Variants in RUNX2 observed in about 807,000 individuals in gnomAD.
The protein encoded by RUNX2 is runt-related transcription factor 2.
Under a neutral mutation model 51.7 loss-of-function variants are expected in RUNX2, and 10 were observed. That is an observed-to-expected ratio of 0.19 (90% CI 0.12 to 0.33). The LOEUF is 0.33. RUNX2 is among the 10% of genes least tolerant of loss of function. The pLI is 1.00. For synonymous variants in RUNX2, 276 were observed against 273.6 expected, an observed-to-expected ratio of 1.01 and a Z score of -0.09; for missense variants, 562 against 691.3, an observed-to-expected ratio of 0.81 and a Z score of 2.10.
At chr6:45,483,416 T>A (rs1205648209) in intron 5 of RUNX2, among the ~76,000 whole-genome samples, 3 of 152,098 alleles carry the variant, frequency 2.0e-5, no homozygotes, top group Admixed American at 6.6e-5. Context: ...AATTTATCCA[T>A]GTTCTTATTT....
intron 5 of RUNX2, among the ~76,000 whole-genome samples, chr6:45,484,523 C>T (rs1221683016): frequency 6.6e-6 from 1 of 152,096 alleles, no homozygotes; most frequent in Non-Finnish European, 1.5e-5. Context: ...TTCATTTTTA[C>T]ATGTATGTAG....
chr6:45,459,750 A>C (rs1180477177), intron 5 of RUNX2, among the ~76,000 whole-genome samples: 1 of 152,372 alleles, frequency 6.6e-6, no homozygotes, highest in Middle Eastern at 3.4e-3. Flanking sequence ...GCAGATAGTG[A>C]TAAGTACTTT....
chr6:45,369,691 C>T lies in RUNX2; in HGVS notation c.58+40907C>T, dbSNP rs58919251. ...TCATATCTAAGTATTTACGGGGCAC[C>T]TACTACAGGCCAAACACCGTTCTAA... On this transcript the variant is annotated intron_variant, in intron 2 of 8. Transcript: ENST00000647337. Among the ~76,000 whole-genome samples, 62 of 152,238 alleles carry T rather than the reference C, an allele frequency of 4.1e-4. No homozygotes were observed. The East Asian group carries it at 5.8e-3, about 14-fold the overall frequency.
At chr6:45,538,440 G>A (rs957182495) in intron 7 of RUNX2, among the ~76,000 whole-genome samples, 4 of 151,704 alleles carry the variant, frequency 2.6e-5, no homozygotes, top group South Asian at 2.1e-4. Flanking sequence ...AGATACCATC[G>A]CAGGAAAGGC....
chr6:45,442,486 A>G (rs1208821374), intron 5 of RUNX2, among the ~76,000 whole-genome samples: 20 of 152,204 alleles, frequency 1.3e-4, no homozygotes, highest in Admixed American at 1.3e-3. Context: ...AATAATTTCT[A>G]CAGGAATGTG....
chr6:45,550,377 G>A lies in RUNX2; in HGVS notation c.*3072G>A, dbSNP rs1582236283. 6.6e-6 allele frequency: 1 copy of A among 152,194 alleles called. No homozygotes were observed. The highest frequency in any genetic ancestry group is 2.4e-5 in the African/African-American group (1 of 41,452). The allele number at this position is 152,194 out of a possible 1,614,324, so 9.4% of individuals were successfully genotyped here. ...ACTTGCCAGAGCCCTTTCAAAATGA[G>A]CAGAGAAGTCCACACCATTAGGGAC... On this transcript the variant is annotated 3_prime_UTR_variant, in exon 9 of 9. Transcript: ENST00000647337.
chr6:45,348,303 A>G (rs1791298679), intron 2 of RUNX2, among the ~76,000 whole-genome samples: 2 of 152,046 alleles, frequency 1.3e-5, no homozygotes, highest in Non-Finnish European at 2.9e-5. Flanking sequence ...AATTTCTATT[A>G]AAGAAATTCT....
At position 45,435,524 on chromosome 6, in the gene RUNX2, A is replaced by C. The variant is rs149137540; in HGVS notation, c.581-2423A>C. Among the ~76,000 whole-genome samples the C allele has an allele frequency of 8.3e-3, 1,263 of 152,104 alleles. 70 individuals are homozygous for C. The East Asian group carries it at 0.11, about 13-fold the overall frequency. ...AGGCGTGCGTCACCACGCCCAGCTA[A>C]TTTTTATATTTTTAGTAGAGACAGG... On this transcript the variant is annotated intron_variant, in intron 4 of 8. Transcript: ENST00000647337.
chr6:45,544,265 AAAT>A (rs1802320814), intron 7 of RUNX2, among the ~76,000 whole-genome samples: 1 of 152,184 alleles, frequency 6.6e-6, no homozygotes, highest in Admixed American at 6.5e-5. Flanking sequence ...ATTGAAAAAC[AAAT>A]GTCATTTTGT....
At chr6:45,485,807 G>A (rs1262015275) in intron 5 of RUNX2, among the ~76,000 whole-genome samples, 1 of 150,118 alleles carries the variant, frequency 6.7e-6, no homozygotes, top group Non-Finnish European at 1.5e-5. Context: ...TTTCTTCTCT[G>A]CTTATCAAAA....
chr6:45,475,538 A>C (rs866882711), intron 5 of RUNX2, among the ~76,000 whole-genome samples: 1 of 152,218 alleles, frequency 6.6e-6, no homozygotes, highest in South Asian at 2.1e-4. Context: ...CTTCCACCTC[A>C]GTGGTGATCT....
At position 45,547,339 on chromosome 6, in the gene RUNX2, G is replaced by A; in HGVS notation, c.*34G>A. On this transcript the variant is annotated 3_prime_UTR_variant, in exon 9 of 9. Transcript: ENST00000647337. ...AGCAGTGGCCCAGTGGTATCTGGGG[G>A]CCACATCCCACACGTATCAATATAT... The A allele has an allele frequency of 6.8e-7, 1 of 1,475,702 alleles. No individual in the cohort carries two copies. Among genetic ancestry groups the A allele is most frequent in the Non-Finnish European group, 9.5e-7 (1 of 1,054,722 alleles). The allele number at this position is 1,475,702 out of a possible 1,614,324, so 91.4% of individuals were successfully genotyped here.
chr6:45,432,824 A>G (rs907104387), intron 4 of RUNX2, among the ~76,000 whole-genome samples: 5 of 152,166 alleles, frequency 3.3e-5, no homozygotes, highest in African/African-American at 1.2e-4. Flanking sequence ...GTTACTCACT[A>G]TTAGAAGCAT....
At chr6:45,512,762 G>A (rs62400365) in intron 7 of RUNX2, among the ~76,000 whole-genome samples, 186 of 151,624 alleles carry the variant, frequency 1.2e-3, no homozygotes, top group Non-Finnish European at 2.2e-3. Context: ...CTTTCTTTTC[G>A]TAACATCTGC....
chr6:45,396,281 A>G (rs542801890), intron 2 of RUNX2, among the ~76,000 whole-genome samples: 4 of 152,304 alleles, frequency 2.6e-5, no homozygotes, highest in African/African-American at 9.6e-5. Flanking sequence ...TACATATCAT[A>G]TTTACATATC....
rs1464276724 is a variant in RUNX2, at chr6:45,550,746, T to C, written c.*3441T>C. 6.5e-6 allele frequency: 1 copy of C among 152,682 alleles called. No homozygotes were observed. Among genetic ancestry groups the C allele is most frequent in the Non-Finnish European group, 1.5e-5 (1 of 68,050 alleles). The allele number at this position is 152,682 out of a possible 1,614,324, so 9.5% of individuals were successfully genotyped here. A position where few individuals can be genotyped will look rare whatever the true frequency, so the allele number is the denominator to read the frequency against. On this transcript the variant is annotated 3_prime_UTR_variant, in exon 9 of 9. Coordinates refer to ENST00000647337, the MANE Select transcript of RUNX2 (RefSeq NM_001024630.4). ...CCATAACTTACAATAATTTCTTAGG[T>C]ATTCTGAATAAAATTCCATTTCTTT...
intron 5 of RUNX2, among the ~76,000 whole-genome samples, chr6:45,465,660 T>A (rs1339186788): frequency 1.3e-5 from 2 of 151,806 alleles, no homozygotes; most frequent in Middle Eastern, 3.4e-3. Flanking sequence ...TTTTTTTTTT[T>A]AGACAAGATC....
At chr6:45,540,400 A>G (rs991170488) in intron 7 of RUNX2, among the ~76,000 whole-genome samples, 6 of 152,026 alleles carry the variant, frequency 3.9e-5, no homozygotes, top group African/African-American at 1.5e-4. Context: ...CAGACCCTCT[A>G]TGTTTTCCTC....
chr6:45,397,122 G>GATTTAATAT (rs1797599048), intron 2 of RUNX2, among the ~76,000 whole-genome samples: 2 of 115,114 alleles, frequency 1.7e-5, no homozygotes, highest in Admixed American at 1.8e-4. Flanking sequence ...TTTTTTTTTT[G>GATTTAATAT]AGACTGAGTC....
Sources: gnomAD v4.1 joint callset for allele counts (sites outside exome capture counted in the v4.1 genomes callset) on GRCh38, gnomAD v4.1.1 for gene constraint, MANE v1.5 for transcripts, NCBI Gene and HGNC (gene_info 2026-07-23, HGNC 2026-07-21) for gene names.